The following HIBCH variants were observed in gnomAD, a reference collection of about 807,000 sequenced individuals.
The protein encoded by HIBCH is 3-hydroxyisobutyryl-CoA hydrolase, also known as 3-hydroxyisobutyryl-CoA hydrolase, mitochondrial.
HIBCH carries 50 observed loss-of-function variants against 58.2 expected under a neutral mutation model. The observed-to-expected ratio is 0.86, with a 90% CI of 0.68 to 1.09. HIBCH has a LOEUF of 1.09. HIBCH is among the 50% of genes least tolerant of loss of function. The pLI, the probability that HIBCH is intolerant of heterozygous loss-of-function variation, is 0.00. For synonymous variants in HIBCH, 151 were observed against 146.9 expected, an observed-to-expected ratio of 1.03 and a Z score of -0.20; for missense variants, 450 against 449.7, an observed-to-expected ratio of 1.00 and a Z score of -0.01.
intron 2 of HIBCH, among the ~76,000 whole-genome samples, chr2:190,300,977 T>TTAGTTAA (rs1464066223): frequency 2.0e-5 from 3 of 152,078 alleles, no homozygotes; most frequent in Non-Finnish European, 2.9e-5. Context: ...TGAATGGCTG[T>TTAGTTAA]AAGTTAGTCA....
At chr2:190,246,252 AT>A (rs1210953234) in intron 9 of HIBCH, 40 bp from the exon 10 acceptor site, 3 of 1,173,474 alleles carry the variant, frequency 2.6e-6, no homozygotes, top group African/African-American at 3.1e-5. Context: ...TTTGAACACA[AT>A]TTTTTAATCC....
In HIBCH at chr2:190,207,274, A is replaced by G. The variant is rs916447545; in HGVS notation, c.1045+1606T>C. Among the ~76,000 whole-genome samples, 1 of 152,248 alleles carries G rather than the reference A, an allele frequency of 6.6e-6. No individual in the cohort carries two copies. The highest frequency in any genetic ancestry group is 1.5e-5 in the Non-Finnish European group (1 of 68,046). ...CTTTTTAAAGAAGGGCTATTATAACATATAATGAATACTTTAACAATATAA... is the reference window on the plus strand; with the variant it reads ...CTTTTTAAAGAAGGGCTATTATAACGTATAATGAATACTTTAACAATATAA... On this transcript the variant is annotated intron_variant, in intron 13 of 13. Transcript: ENST00000359678. The surrounding 1 kb of genome is among the most constrained non-coding windows in gnomAD (Gnocchi z 4.5).
intron 6 of HIBCH, among the ~76,000 whole-genome samples, chr2:190,264,277 CTTTCT>C (rs773933984): frequency 6.7e-6 from 1 of 149,686 alleles, no homozygotes; most frequent in Non-Finnish European, 1.5e-5. Flanking sequence ...TTTCTTTTTT[CTTTCT>C]TTTTTTTTTT....
intron 11 of HIBCH, among the ~76,000 whole-genome samples, chr2:190,235,100 G>A (rs1686229569): frequency 6.6e-6 from 1 of 152,216 alleles, no homozygotes; most frequent in South Asian, 2.1e-4. Context: ...TTTAAAGGAA[G>A]GGGCCAGGGG....
At chr2:190,294,035 T>C (rs1187599623) in intron 4 of HIBCH, among the ~76,000 whole-genome samples, 1 of 143,376 alleles carries the variant, frequency 7.0e-6, no homozygotes, top group African/African-American at 2.6e-5. Context: ...TATATATATA[T>C]ATATATATAT....
chr2:190,238,925 C>T (rs1320614270), intron 11 of HIBCH, among the ~76,000 whole-genome samples: 12 of 152,204 alleles, frequency 7.9e-5, no homozygotes, highest in Non-Finnish European at 7.3e-5. Flanking sequence ...TGCCTGTTCA[C>T]TCTGATGAGA....
At chr2:190,282,442 A>G (rs536182878) in intron 6 of HIBCH, among the ~76,000 whole-genome samples, 1 of 152,354 alleles carries the variant, frequency 6.6e-6, no homozygotes, top group East Asian at 1.9e-4. Context: ...AGCCCAAAAC[A>G]TAGGAAGCAA....
At chr2:190,192,872 G>C (rs548273783) in intron 1 of HIBCH, among the ~76,000 whole-genome samples, 113 of 152,130 alleles carry the variant, frequency 7.4e-4, no homozygotes, top group African/African-American at 2.7e-3. Context: ...TTAAGACCTT[G>C]CTACAATTAT....
At chr2:190,259,808 C>T (rs1251549971) in intron 7 of HIBCH, among the ~76,000 whole-genome samples, 1 of 152,184 alleles carries the variant, frequency 6.6e-6, no homozygotes, top group Non-Finnish European at 1.5e-5. Context: ...AGTTTCACCT[C>T]TGCTTTTCCT....
chr2:190,240,957 T>A (rs1686435558), intron 11 of HIBCH, among the ~76,000 whole-genome samples: 1 of 152,230 alleles, frequency 6.6e-6, no homozygotes, highest in Admixed American at 6.5e-5. Context: ...TTATGTTGAT[T>A]TGGGGTAGAG....
intron 6 of HIBCH, among the ~76,000 whole-genome samples, chr2:190,277,978 G>A (rs902694443): frequency 1.3e-5 from 2 of 152,166 alleles, no homozygotes; most frequent in Non-Finnish European, 2.9e-5. Flanking sequence ...GATTAAAAAT[G>A]TATATATACT....
At chr2:190,318,078 G>T (rs1172908983) in intron 1 of HIBCH, among the ~76,000 whole-genome samples, 1 of 151,716 alleles carries the variant, frequency 6.6e-6, no homozygotes, top group Non-Finnish European at 1.5e-5. Context: ...TGCCCGCCTC[G>T]GCCTCCCAAA....
rs1260440078 is a variant in HIBCH at position 190,315,016 on chromosome 2, C to G, written c.36-4220G>C. Reference sequence around the variant, plus strand: ...AGGCTGGAGTGCAGTGGTGCAATCTCGGCTCACTGCAGGCTCTGCCTTCCG... The same window carrying G: ...AGGCTGGAGTGCAGTGGTGCAATCTGGGCTCACTGCAGGCTCTGCCTTCCG... On this transcript the variant is annotated intron_variant, in intron 1 of 13. Transcript: ENST00000359678. This position sits in a 1 kb window ranked among gnomAD's most constrained non-coding sequence, Gnocchi z 5.4. 6.6e-6 allele frequency among the ~76,000 whole-genome samples: 1 copy of G among 151,738 alleles called. No homozygotes were observed. The highest frequency in any genetic ancestry group is 1.9e-4 in the East Asian group (1 of 5,154).
chr2:190,295,414 T>C (rs770454038), intron 3 of HIBCH, among the ~76,000 whole-genome samples: 25 of 152,228 alleles, frequency 1.6e-4, no homozygotes, highest in Non-Finnish European at 3.4e-4. Context: ...AAGTAATTAA[T>C]TTTTCCCATA....
intron 3 of HIBCH, among the ~76,000 whole-genome samples, chr2:190,295,483 G>T (rs1348820160): frequency 6.6e-6 from 1 of 152,164 alleles, no homozygotes; most frequent in African/African-American, 2.4e-5. Flanking sequence ...CAATCATGAG[G>T]CCAGGTGTGG....
chr2:190,229,330 A>G (rs1335178265), intron 11 of HIBCH, among the ~76,000 whole-genome samples: 1 of 152,218 alleles, frequency 6.6e-6, no homozygotes, highest in Non-Finnish European at 1.5e-5. Context: ...AAAGAAAACA[A>G]ATTGGCTTAT....
chr2:190,230,282 G>A (rs1283945728), intron 11 of HIBCH, among the ~76,000 whole-genome samples: 1 of 152,078 alleles, frequency 6.6e-6, no homozygotes, highest in Non-Finnish European at 1.5e-5. Flanking sequence ...ATGGTGGGTG[G>A]AAGAGAGAGA....
At chr2:190,275,994 A>G (rs1687538922) in intron 6 of HIBCH, among the ~76,000 whole-genome samples, 1 of 152,222 alleles carries the variant, frequency 6.6e-6, no homozygotes, top group African/African-American at 2.4e-5. Flanking sequence ...TGAGATCAAG[A>G]TCCTGAAGCA....
chr2:190,298,629 T>C lies in HIBCH; in HGVS notation c.79-1676A>G, dbSNP rs532200185. Among the ~76,000 whole-genome samples, 3 of 152,256 alleles carry C rather than the reference T, an allele frequency of 2.0e-5. 1 individual carries two copies. The highest frequency in any genetic ancestry group is 6.8e-3 in the Middle Eastern group (2 of 294). Reference sequence around the variant, plus strand: ...GTAAATTTAAGTTCCTTGGAGATTCTAGATATTAGACCTTTGTCAGATGGG... The same window carrying C: ...GTAAATTTAAGTTCCTTGGAGATTCCAGATATTAGACCTTTGTCAGATGGG... On this transcript the variant is annotated intron_variant, in intron 2 of 13. Coordinates refer to ENST00000359678, the MANE Select transcript of HIBCH (RefSeq NM_014362.4).
Sources: gnomAD v4.1 joint callset for allele counts (sites outside exome capture counted in the v4.1 genomes callset) on GRCh38, gnomAD v4.1.1 for gene constraint, Gnocchi (gnomAD v3.1) non-coding constraint, MANE v1.5 for transcripts, NCBI Gene and HGNC (gene_info 2026-07-23, HGNC 2026-07-21) for gene names.